FOXN3: variants seen among roughly 807,000 people sequenced by gnomAD.
FOXN3 encodes the protein forkhead box N3, also known as forkhead box protein N3.
A neutral mutation model predicts 38.4 loss-of-function variants in FOXN3; 7 were observed. That is an observed-to-expected ratio of 0.18 (90% CI 0.10 to 0.34). The LOEUF (loss-of-function observed/expected upper bound fraction) is 0.34, where lower values mean the gene tolerates loss of function less well. FOXN3 is among the 10% of genes least tolerant of loss of function. FOXN3 has a pLI of 1.00. For synonymous variants in FOXN3, 230 were observed against 242.2 expected (o/e 0.95, Z 0.47); for missense variants, 456 against 613.4 (o/e 0.74, Z 2.71).
intron 2 of FOXN3, among the ~76,000 whole-genome samples, chr14:89,392,886 A>G (rs905473022): frequency 6.6e-6 from 1 of 150,540 alleles, no homozygotes; most frequent in Non-Finnish European, 1.5e-5. Context: ...AGTTCAGTGC[A>G]ACCTCCGCCC....
intron 4 of FOXN3, among the ~76,000 whole-genome samples, chr14:89,250,349 A>G (rs530077172): frequency 4.2e-4 from 64 of 152,218 alleles, no homozygotes; most frequent in Non-Finnish European, 7.6e-4. Flanking sequence ...GAGCTCAAGC[A>G]ATTATCCTGC....
chr14:89,225,870 A>G (rs1161914620), intron 4 of FOXN3, among the ~76,000 whole-genome samples: 1 of 152,050 alleles, frequency 6.6e-6, no homozygotes, highest in Non-Finnish European at 1.5e-5. Flanking sequence ...TATTTCACAA[A>G]CGTTTTAACA....
At chr14:89,427,441 G>A (rs1336734773) in intron 1 of FOXN3, among the ~76,000 whole-genome samples, 1 of 147,832 alleles carries the variant, frequency 6.8e-6, no homozygotes, top group Non-Finnish European at 1.5e-5. Context: ...AAGTAGGTGG[G>A]ATTACAGGCC....
chr14:89,379,037 G>A (rs116569340), intron 2 of FOXN3, among the ~76,000 whole-genome samples: 3,134 of 152,270 alleles, frequency 0.021, 117 homozygotes, highest in African/African-American at 0.07. Context: ...CCCAGGTTAT[G>A]AGAATAGAGG....
At chr14:89,523,571 C>G (rs1456024280) in intron 1 of FOXN3, among the ~76,000 whole-genome samples, 1 of 152,064 alleles carries the variant, frequency 6.6e-6, no homozygotes, top group African/African-American at 2.4e-5. Context: ...TATTTGAAAA[C>G]TAAATAACAC....
intron 1 of FOXN3, among the ~76,000 whole-genome samples, chr14:89,515,017 T>C (rs896370434): frequency 6.6e-6 from 1 of 151,862 alleles, no homozygotes; most frequent in African/African-American, 2.4e-5. Flanking sequence ...CATCCGGAGT[T>C]CAAGCAATTC....
At chr14:89,291,076 G>T in intron 3 of FOXN3, 3 of 499,210 alleles carry the variant, frequency 6.0e-6, no homozygotes, top group Admixed American at 2.2e-5. Context: ...CAATCCACAC[G>T]GTGTAAATCA....
intron 3 of FOXN3, chr14:89,290,188 CA>C: frequency 4.5e-6 from 1 of 220,494 alleles, no homozygotes. Flanking sequence ...TGGAGGGACT[CA>C]GGTGAGGGGG....
chr14:89,401,473 A>G (rs922870235), intron 2 of FOXN3: 3 of 420,048 alleles, frequency 7.1e-6, no homozygotes, highest in Non-Finnish European at 1.4e-5. Flanking sequence ...CCTCAGAACC[A>G]TAGCTGCAAA....
intron 1 of FOXN3, among the ~76,000 whole-genome samples, chr14:89,605,569 T>C (rs1402158766): frequency 6.6e-6 from 1 of 152,158 alleles, no homozygotes; most frequent in Non-Finnish European, 1.5e-5. Flanking sequence ...ATGCATTATG[T>C]ATTTCAGTTA....
At chr14:89,521,358 T>TAGAGAGAGAGAGAGAGAGAG (rs199686142) in intron 1 of FOXN3, among the ~76,000 whole-genome samples, 17 of 124,968 alleles carry the variant, frequency 1.4e-4, no homozygotes, top group African/African-American at 3.8e-4. Flanking sequence ...AGATGATAGA[T>TAGAGAGAGAGAGAGAGAGAG]AGAGAGAGAG....
intron 1 of FOXN3, among the ~76,000 whole-genome samples, chr14:89,466,220 G>A (rs7148172): frequency 0.85 from 129,094 of 152,104 alleles, 55,587 homozygotes; most frequent in East Asian, 0.96. Context: ...TGTGCCTTCC[G>A]AAATTACAAC....
At chr14:89,440,583 C>T (rs1892361829) in intron 1 of FOXN3, among the ~76,000 whole-genome samples, 1 of 152,174 alleles carries the variant, frequency 6.6e-6, no homozygotes, top group South Asian at 2.1e-4. Context: ...AAAAAGCACC[C>T]CCACTGAGCA....
At chr14:89,226,495 C>T (rs993512316) in intron 4 of FOXN3, among the ~76,000 whole-genome samples, 5 of 152,120 alleles carry the variant, frequency 3.3e-5, no homozygotes, top group Admixed American at 3.3e-4. Flanking sequence ...AGGCTGGTCT[C>T]GAACTCCTGG....
chr14:89,390,215 G>A lies in FOXN3; in HGVS notation c.543+21719C>T, dbSNP rs1403155736. On this transcript the variant is annotated intron_variant, in intron 2 of 5. Coordinates refer to ENST00000557258, the MANE Select transcript of FOXN3 (RefSeq NM_005197.4). Reference sequence around the variant, plus strand: ...CACTCCAGCTAAAATGACAGAGTGAGACTCCCTTTAAAAAAAAAAAAAATA... The same window carrying A: ...CACTCCAGCTAAAATGACAGAGTGAAACTCCCTTTAAAAAAAAAAAAAATA... 7.7e-5 allele frequency among the ~76,000 whole-genome samples: 11 copies of A among 143,204 alleles called. No homozygotes were observed. The East Asian group carries it at 2.4e-3, about 31-fold the overall frequency. The allele number at this position is 143,204 out of a possible 152,430, so 93.9% of individuals were successfully genotyped here. A position where few individuals can be genotyped will look rare whatever the true frequency, so the allele number is the denominator to read the frequency against.
At chr14:89,444,404 A>G (rs923543828) in intron 1 of FOXN3, among the ~76,000 whole-genome samples, 4 of 151,990 alleles carry the variant, frequency 2.6e-5, no homozygotes, top group African/African-American at 9.7e-5. Flanking sequence ...GGAGCCCAGC[A>G]AGTAAAATAT....
At chr14:89,387,865 T>C (rs894746945) in intron 2 of FOXN3, among the ~76,000 whole-genome samples, 5 of 152,114 alleles carry the variant, frequency 3.3e-5, no homozygotes, top group Admixed American at 2.0e-4. Context: ...AGCGGCACAC[T>C]ACAGAGAAGC....
chr14:89,424,608 T>G (rs1891984400), intron 1 of FOXN3, among the ~76,000 whole-genome samples: 1 of 151,860 alleles, frequency 6.6e-6, no homozygotes, highest in African/African-American at 2.4e-5. Flanking sequence ...GCAGGTGCGG[T>G]GGCTCACACC....
At chr14:89,212,265 C>T (rs1884118529) in intron 4 of FOXN3, among the ~76,000 whole-genome samples, 1 of 152,194 alleles carries the variant, frequency 6.6e-6, no homozygotes, top group South Asian at 2.1e-4. Context: ...TCACAATTCA[C>T]AAGGATCGTG....
Sources: allele counts gnomAD v4.1 joint callset (sites outside exome capture counted in the v4.1 genomes callset), GRCh38; gene constraint gnomAD v4.1.1; transcripts MANE v1.5; gene names NCBI Gene and HGNC (gene_info 2026-07-23, HGNC 2026-07-21).